The following RANBP2 variants were observed in gnomAD, a reference collection of about 807,000 sequenced individuals.
The protein encoded by RANBP2 is RAN binding protein 2, also known as E3 SUMO-protein ligase RanBP2.
RANBP2 carries 57 observed loss-of-function variants against 303.6 expected under a neutral mutation model. That is an observed-to-expected ratio of 0.19 (90% confidence interval 0.15 to 0.23). The LOEUF is 0.23. Ranked by LOEUF, RANBP2 falls within the 10% of genes least tolerant of loss-of-function variation. RANBP2 has a pLI of 1.00. For synonymous variants in RANBP2, 1,167 were observed against 1,301.5 expected, an observed-to-expected ratio of 0.90 and a Z score of 2.23; for missense variants, 3,138 against 3,780.8, an observed-to-expected ratio of 0.83 and a Z score of 4.46.
At chr2:109,163,059 G>A in the RANBP2 span, among the ~76,000 whole-genome samples, 428 of 152,292 alleles carry the variant, frequency 2.8e-3, 2 homozygotes, top group African/African-American at 9.5e-3. Context: ...CACTGATCCC[G>A]CCAAATAGGA....
chr2:108,776,076 T>C, intron 24 of RANBP2, 140 bp downstream of exon 24: 2 of 673,928 alleles, frequency 3.0e-6, no homozygotes, highest in South Asian at 1.9e-5. Context: ...GTAGTAGTAG[T>C]AATAATAACC....
chr2:109,696,501 C>T, the RANBP2 span, among the ~76,000 whole-genome samples: 5 of 152,234 alleles, frequency 3.3e-5, no homozygotes, highest in South Asian at 2.1e-4. Flanking sequence ...TGTTCTGTTC[C>T]GTTGATTTAC....
chr2:109,586,922 T>G, the RANBP2 span, among the ~76,000 whole-genome samples: 1 of 151,996 alleles, frequency 6.6e-6, no homozygotes, highest in Non-Finnish European at 1.5e-5. Context: ...AGAACAAAGT[T>G]CAAGACTCTG....
At chr2:108,872,597 A>C in the RANBP2 span, among the ~76,000 whole-genome samples, 1 of 152,268 alleles carries the variant, frequency 6.6e-6, no homozygotes, top group South Asian at 2.1e-4. Context: ...TGGGAAATCC[A>C]GTATCAAGAT....
chr2:109,041,304 T>G, the RANBP2 span, among the ~76,000 whole-genome samples: 1 of 152,172 alleles, frequency 6.6e-6, no homozygotes, highest in Non-Finnish European at 1.5e-5. Flanking sequence ...TTATTGTTGC[T>G]TTACTGCACT....
chr2:109,601,909 G>A, the RANBP2 span, among the ~76,000 whole-genome samples: 1 of 152,098 alleles, frequency 6.6e-6, no homozygotes, highest in Non-Finnish European at 1.5e-5. Context: ...CAGCATAAGA[G>A]GATTAAGGGA....
the RANBP2 span, among the ~76,000 whole-genome samples, chr2:109,184,101 T>G: frequency 1.3e-5 from 2 of 152,202 alleles, no homozygotes; most frequent in African/African-American, 2.4e-5. Context: ...ATGTGGTGGT[T>G]CCATGTGCTT....
At chr2:109,375,868 C>A in the RANBP2 span, among the ~76,000 whole-genome samples, 1 of 152,234 alleles carries the variant, frequency 6.6e-6, no homozygotes, top group Non-Finnish European at 1.5e-5. Context: ...AGCCCATGGG[C>A]AGTTCAGGGC....
At chr2:109,184,409 A>T in the RANBP2 span, among the ~76,000 whole-genome samples, 1 of 152,228 alleles carries the variant, frequency 6.6e-6, no homozygotes, top group African/African-American at 2.4e-5. Context: ...TGATGAAAGC[A>T]GATATGTCAG....
At chr2:109,534,480 A>G in the RANBP2 span, among the ~76,000 whole-genome samples, 3 of 152,210 alleles carry the variant, frequency 2.0e-5, no homozygotes, top group South Asian at 6.2e-4. Context: ...AGCCAATGCT[A>G]TTGAAATGTT....
At chr2:108,783,340 A>T (rs1238997505) in intron 28 of RANBP2, among the ~76,000 whole-genome samples, 1 of 146,038 alleles carries the variant, frequency 6.8e-6, no homozygotes, top group African/African-American at 2.7e-5. Flanking sequence ...CATTAAAAAA[A>T]AAAAAAAAAA....
At chr2:109,732,963 A>G in the RANBP2 span, 3 of 617,444 alleles carry the variant, frequency 4.9e-6, no homozygotes, top group Non-Finnish European at 6.2e-6. Context: ...AGAAGTAGAA[A>G]TCATGGCCCA....
chr2:108,723,312 C>T (rs1252283137), intron 1 of RANBP2, among the ~76,000 whole-genome samples: 1 of 150,220 alleles, frequency 6.7e-6, no homozygotes, highest in Non-Finnish European at 1.5e-5. Context: ...CGGAGACTCG[C>T]TCTATCGTCC....
the RANBP2 span, among the ~76,000 whole-genome samples, chr2:109,639,358 C>T: frequency 2.2e-3 from 331 of 152,242 alleles, 2 homozygotes; most frequent in South Asian, 3.9e-3. Context: ...CGGTGGCTCA[C>T]GCCTGTAATC....
At chr2:109,382,353 G>GTGGGGCTGACTCAGCC in the RANBP2 span, among the ~76,000 whole-genome samples, 4 of 152,226 alleles carry the variant, frequency 2.6e-5, no homozygotes, top group Non-Finnish European at 5.9e-5. Flanking sequence ...GTCTGCTGCA[G>GTGGGGCTGACTCAGCC]TGGGGCTGAC....
At chr2:109,141,097 C>A in the RANBP2 span, among the ~76,000 whole-genome samples, 2 of 152,186 alleles carry the variant, frequency 1.3e-5, no homozygotes, top group African/African-American at 4.8e-5. Flanking sequence ...ATCCTTGGTG[C>A]TCATTTTAGT....
At chr2:109,694,266 T>G in the RANBP2 span, among the ~76,000 whole-genome samples, 3 of 152,276 alleles carry the variant, frequency 2.0e-5, no homozygotes, top group African/African-American at 4.8e-5. Flanking sequence ...CTTCACTCTC[T>G]TTGCTCCTGC....
the RANBP2 span, among the ~76,000 whole-genome samples, chr2:109,159,373 G>T: frequency 6.6e-6 from 1 of 152,246 alleles, no homozygotes; most frequent in Non-Finnish European, 1.5e-5. Flanking sequence ...GGGTGTATGC[G>T]TGCAGAAGGG....
the RANBP2 span, among the ~76,000 whole-genome samples, chr2:109,253,359 T>G: frequency 1.3e-5 from 2 of 152,160 alleles, no homozygotes; most frequent in Non-Finnish European, 2.9e-5. Flanking sequence ...TTAGTTTATT[T>G]CCTTGGGAGG....
Sources: allele counts gnomAD v4.1 joint callset (sites outside exome capture counted in the v4.1 genomes callset), GRCh38; gene constraint gnomAD v4.1.1; transcripts MANE v1.5; gene names NCBI Gene and HGNC (gene_info 2026-07-23, HGNC 2026-07-21).